Variants in LDB3 observed in about 807,000 individuals in gnomAD.
LDB3 encodes the protein LIM domain binding 3.
Under a neutral mutation model 69.0 loss-of-function variants are expected in LDB3, and 49 were observed. That is an observed-to-expected ratio of 0.71 (90% CI 0.56 to 0.90). The LOEUF is 0.90. Ranked by LOEUF, LDB3 falls within the 40% of genes least tolerant of loss-of-function variation. The pLI is 0.00. For synonymous variants in LDB3, 387 were observed against 396.2 expected (o/e 0.98, Z 0.28); for missense variants, 928 against 974.1 (o/e 0.95, Z 0.63).
chr10:86,674,104 C>T (rs1844639188), intron 2 of LDB3, among the ~76,000 whole-genome samples: 1 of 152,150 alleles, frequency 6.6e-6, no homozygotes, highest in African/African-American at 2.4e-5. Flanking sequence ...GATCTTGTTT[C>T]CTGTGGAGCC....
intron 10 of LDB3, 62 bp downstream of exon 10, chr10:86,716,833 CCA>C: frequency 1.3e-6 from 2 of 1,524,036 alleles, no homozygotes. Context: ...GGGTGCTTGC[CCA>C]CAGTCTGAGC....
At chr10:86,719,162 C>T (rs1213331277) in intron 12 of LDB3, among the ~76,000 whole-genome samples, 1 of 152,060 alleles carries the variant, frequency 6.6e-6, no homozygotes, top group Non-Finnish European at 1.5e-5. Context: ...CTTTGGGAGG[C>T]CGAGACAGAA....
chr10:86,676,400 TA>T (rs1844791991), intron 2 of LDB3, among the ~76,000 whole-genome samples: 3 of 151,790 alleles, frequency 2.0e-5, no homozygotes, highest in Admixed American at 1.3e-4. Flanking sequence ...CCCTTTCTAC[TA>T]AAAATACAAA....
intron 9 of LDB3, among the ~76,000 whole-genome samples, chr10:86,711,173 CG>C (rs1846641050): frequency 6.6e-6 from 1 of 152,196 alleles, no homozygotes; most frequent in Non-Finnish European, 1.5e-5. Context: ...GAGGCCTTGC[CG>C]GGGCACAAGG....
rs1443102492 is a variant in LDB3, at chr10:86,668,590, G to T, written c.-24+20G>T. ...GAACAGGCAAGGCTGGGGGTCAGGG[G>T]CAGGGGCAGAGGTGTGGACCGGGCA... On this transcript the variant is annotated intron_variant, in intron 1 of 13. Coordinates refer to ENST00000361373, the MANE Select transcript of LDB3 (RefSeq NM_007078.3). 3 of 931,182 alleles carry T rather than the reference G, an allele frequency of 3.2e-6. No individual in the cohort carries two copies. Among genetic ancestry groups the T allele is most frequent in the South Asian group, 2.6e-5 (2 of 76,832 alleles). The allele number at this position is 931,182 out of a possible 1,614,324, so 57.7% of individuals were successfully genotyped here.
intron 2 of LDB3, among the ~76,000 whole-genome samples, chr10:86,675,874 G>A (rs1295803792): frequency 1.3e-5 from 2 of 152,230 alleles, no homozygotes; most frequent in Non-Finnish European, 2.9e-5. Context: ...TCACATAGAG[G>A]AGTAGGGAAA....
At position 86,681,462 on chromosome 10, in the gene LDB3, C is replaced by T. The variant is rs1060504200; in HGVS notation, c.348C>T (p.Ser116=). The change falls in exon 5 of 14, where the codon AGC becomes AGT. Residue 116 remains serine (S), a synonymous_variant. Transcript: ENST00000361373. ...ACCCCGCTCTGGACACGAACGGCAGCCTGGTGGCACCCAGCCCCAGCCCTG... is the reference window on the plus strand; with the variant it reads ...ACCCCGCTCTGGACACGAACGGCAGTCTGGTGGCACCCAGCCCCAGCCCTG... ...QKDPALDTNG[S]LVAPSPSPEA... The T allele has an allele frequency of 6.2e-7, 1 of 1,605,712 alleles. No homozygotes were observed. The highest frequency in any genetic ancestry group is 8.5e-7 in the Non-Finnish European group (1 of 1,179,820).
intron 7 of LDB3, chr10:86,700,014 C>T (rs1846191170): frequency 1.0e-6 from 1 of 986,684 alleles, no homozygotes. Context: ...TATAAGCATG[C>T]TTGTTCTGAA....
intron 2 of LDB3, among the ~76,000 whole-genome samples, chr10:86,670,283 C>T (rs1323525233): frequency 6.6e-6 from 1 of 152,166 alleles, no homozygotes; most frequent in Non-Finnish European, 1.5e-5. Flanking sequence ...GCCTTGCACA[C>T]TTTGCATGAG....
intron 7 of LDB3, among the ~76,000 whole-genome samples, chr10:86,695,853 T>TG (rs1398337762): frequency 6.6e-6 from 1 of 152,158 alleles, no homozygotes; most frequent in East Asian, 1.9e-4. Context: ...ATCCCACTGC[T>TG]GGGGGGAACT....
At position 86,678,239 on chromosome 10, in the gene LDB3, CGG is replaced by C. The variant is rs143229099; in HGVS notation, c.94-1125_94-1124del. ...ATTTTTTTTGTAATTTTGGTACAGA[CGG>C]GGTTTCACCATGTTGGCCAGGCTGA... On this transcript the variant is annotated intron_variant, in intron 2 of 13. Coordinates refer to ENST00000361373, the MANE Select transcript of LDB3 (RefSeq NM_007078.3). Among the ~76,000 whole-genome samples the C allele has an allele frequency of 5.4e-3, 824 of 152,038 alleles. 10 individuals carry two copies. Among genetic ancestry groups the C allele is most frequent in the East Asian group, 0.037 (190 of 5,162 alleles).
intron 7 of LDB3, among the ~76,000 whole-genome samples, chr10:86,698,926 A>G (rs1846130455): frequency 6.6e-6 from 1 of 152,102 alleles, no homozygotes; most frequent in Non-Finnish European, 1.5e-5. Flanking sequence ...CCCAGCCCTC[A>G]CTACATGGAC....
intron 9 of LDB3, among the ~76,000 whole-genome samples, chr10:86,712,930 G>A (rs1022917307): frequency 6.6e-6 from 1 of 151,894 alleles, no homozygotes; most frequent in Non-Finnish European, 1.5e-5. Flanking sequence ...GCGTGGTGGC[G>A]GGCGCCTGTA....
At chr10:86,680,252 G>C (rs987763708) in intron 4 of LDB3, 95 bp downstream of exon 4, 2 of 1,149,318 alleles carry the variant, frequency 1.7e-6, no homozygotes, top group Non-Finnish European at 1.3e-6. Context: ...GCCCAACTGG[G>C]ATGAGGCCGT....
chr10:86,686,681 C>T (rs1327779678), intron 5 of LDB3, among the ~76,000 whole-genome samples: 1 of 151,926 alleles, frequency 6.6e-6, no homozygotes, highest in Non-Finnish European at 1.5e-5. Context: ...TGGCATATGC[C>T]TGTGGTCCTA....
At chr10:86,692,087 G>A (rs778478463) in intron 6 of LDB3, 22 bp downstream of exon 6, 5 of 1,613,492 alleles carry the variant, frequency 3.1e-6, no homozygotes, top group Non-Finnish European at 4.2e-6. Flanking sequence ...CTCTCAGGGT[G>A]GCTGCAGAGG....
rs890314481 is a variant in LDB3, at chr10:86,730,982, G to A, written c.2095-1905G>A. Among the ~76,000 whole-genome samples the A allele has an allele frequency of 2.0e-5, 3 of 151,676 alleles. No individual in the cohort carries two copies. In the East Asian group the frequency reaches 5.9e-4, roughly 30 times the overall value. On this transcript the variant is annotated intron_variant, in intron 13 of 13. Transcript: ENST00000361373. ...AGCCTGGCCAACATGGTGAAACCCT[G>A]TCTCTACTAAACTACAAAAAAAATT...
rs150474495 is a variant in LDB3 at position 86,703,086 on chromosome 10, A to G, written c.897-3445A>G. On this transcript the variant is annotated intron_variant, in intron 7 of 13. Coordinates refer to ENST00000361373, the MANE Select transcript of LDB3 (RefSeq NM_007078.3). ...GCTGGCCTAACAGTGAATTGGAGCC[A>G]AGGAGACAGGCAAAGCCAACCTCCT... 5.0e-3 allele frequency among the ~76,000 whole-genome samples: 766 copies of G among 152,324 alleles called. 6 individuals are homozygous for G. Among genetic ancestry groups the G allele is most frequent in the Non-Finnish European group, 8.3e-3 (568 of 68,038 alleles).
At chr10:86,725,329 T>C (rs1675654537) in intron 12 of LDB3, among the ~76,000 whole-genome samples, 1 of 152,220 alleles carries the variant, frequency 6.6e-6, no homozygotes, top group South Asian at 2.1e-4. Context: ...CTCAATTTTC[T>C]CATCCACAAA....
Sources: allele counts gnomAD v4.1 joint callset (sites outside exome capture counted in the v4.1 genomes callset), GRCh38; gene constraint gnomAD v4.1.1; transcripts MANE v1.5; gene names NCBI Gene and HGNC (gene_info 2026-07-23, HGNC 2026-07-21).